NAAA: variants seen among roughly 807,000 people sequenced by gnomAD.
NAAA encodes N-acylethanolamine-hydrolyzing acid amidase.
In NAAA, 39 loss-of-function variants were observed where a neutral mutation model predicts 44.8. That is an observed-to-expected ratio of 0.87 (90% CI 0.67 to 1.14). The LOEUF is 1.14. NAAA is among the 50% of genes most tolerant of loss of function. NAAA has a pLI of 0.00. For missense variants in NAAA, 460 were observed against 467.8 expected, an observed-to-expected ratio of 0.98 and a Z score of 0.15; for synonymous variants, 178 against 191.3, an observed-to-expected ratio of 0.93 and a Z score of 0.58.
chr4:75,934,265 C>T (rs1345098280), intron 3 of NAAA, among the ~76,000 whole-genome samples: 1 of 151,680 alleles, frequency 6.6e-6, no homozygotes. Context: ...TTGACTTATG[C>T]CTGCTTCACA....
At chr4:75,934,539 G>C (rs1034795318) in intron 3 of NAAA, among the ~76,000 whole-genome samples, 2 of 149,618 alleles carry the variant, frequency 1.3e-5, no homozygotes, top group African/African-American at 4.9e-5. Flanking sequence ...ACATTGGCCA[G>C]GCTGGTCTTG....
chr4:75,926,542 CAG>C (rs1259585988), intron 4 of NAAA, among the ~76,000 whole-genome samples: 8 of 111,544 alleles, frequency 7.2e-5, no homozygotes, highest in South Asian at 6.0e-4. Flanking sequence ...ACCTGGGTGA[CAG>C]AGAGAGACTC....
At chr4:75,912,365 C>T (rs1280170516), downstream of NAAA, among the ~76,000 whole-genome samples, 2 of 151,862 alleles carry the variant, frequency 1.3e-5, no homozygotes, top group African/African-American at 4.8e-5. Context: ...CCAGCCTGAC[C>T]AACGTGGTGA....
Position 75,936,104 on chromosome 4 carries a change from T to C in NAAA, c.498+5A>G. The stretch of plus-strand genomic sequence containing the variant: ...ATTTTTTATCTTATATGGTACGGAT[T>C]ATACCTGCCCATTCTTTAAGAATTG... On this transcript the variant is annotated splice_donor_5th_base_variant and intron_variant, in intron 3 of 10. Coordinates refer to ENST00000286733, the MANE Select transcript of NAAA (RefSeq NM_014435.4). 2 of 1,614,078 alleles carry C rather than the reference T, an allele frequency of 1.2e-6. No individual in the cohort carries two copies. The highest frequency in any genetic ancestry group is 4.5e-5 in the East Asian group (2 of 44,874).
intron 3 of NAAA, among the ~76,000 whole-genome samples, chr4:75,933,414 C>A (rs2149278506): frequency 6.6e-6 from 1 of 152,178 alleles, no homozygotes; most frequent in Middle Eastern, 3.4e-3. Flanking sequence ...GTCTCATCTC[C>A]ACGCATGGTG....
At chr4:75,920,445 C>G (rs901376882) in intron 7 of NAAA, among the ~76,000 whole-genome samples, 1 of 152,186 alleles carries the variant, frequency 6.6e-6, no homozygotes, top group Admixed American at 6.5e-5. Context: ...ATTTTACAGA[C>G]TGGTAAACAG....
In NAAA at chr4:75,940,834, C is replaced by T. The variant is rs1351251797; in HGVS notation, c.116G>A (p.Ser39Asn). 4 of 1,593,368 alleles carry T rather than the reference C, an allele frequency of 2.5e-6. No homozygotes were observed. The Admixed American group carries it at 6.7e-5, about 27-fold the overall frequency. Residue 39 changes from serine (S) to asparagine (N), a missense_variant, in exon 1 of 11, where the codon AGC becomes AAC. Transcript: ENST00000286733. ...SPPAAPRFNV[S>N]LDSVPELRWL... Reference sequence around the variant, plus strand: ...GCGCAGCTCGGGGACCGAGTCCAGGCTCACGTTGAAGCGCGGCGCTGCTGG... The same window carrying T: ...GCGCAGCTCGGGGACCGAGTCCAGGTTCACGTTGAAGCGCGGCGCTGCTGG...
chr4:75,940,168 A>AGAAAC lies in NAAA; in HGVS notation c.207-8_207-4dup. The AGAAAC allele has an allele frequency of 6.2e-7, 1 of 1,612,262 alleles. No homozygotes were observed. Among genetic ancestry groups the AGAAAC allele is most frequent in the Admixed American group, 1.7e-5 (1 of 59,958 alleles). On this transcript the variant is annotated splice_region_variant and splice_polypyrimidine_tract_variant and intron_variant, in intron 1 of 10. Transcript: ENST00000286733. ...GCACCCACTTGGGGACTCTGTCCCT[A>AGAAAC]GAAACAAAAAGCACAAGGGCGTCTG...
chr4:75,940,119 G>C lies in NAAA; in HGVS notation c.253C>G (p.Leu85Val). 1 of 1,614,130 alleles carries C rather than the reference G, an allele frequency of 6.2e-7. No homozygotes were observed. Among genetic ancestry groups the C allele is most frequent in the Non-Finnish European group, 8.5e-7 (1 of 1,180,044 alleles). ...WVHVLIGKVVLELERFLPQPF... is the reference protein window; with the variant it reads ...WVHVLIGKVVVELERFLPQPF... ...TGGGGCAGGAAGCGCTCCAGCTCCA[G>C]GACCACTTTTCCGATTAACACGTGC... The change falls in exon 2 of 11, where the codon CTG (leucine) becomes GTG (valine). Residue 85 changes from leucine (L) to valine (V), a missense_variant. Leu to Val is a conservative substitution (Grantham distance 32). Transcript: ENST00000286733.
At chr4:75,932,741 C>T (rs1314153108) in intron 3 of NAAA, among the ~76,000 whole-genome samples, 1 of 152,142 alleles carries the variant, frequency 6.6e-6, no homozygotes, top group East Asian at 1.9e-4. Flanking sequence ...TGGGCTCAAG[C>T]AATCCTTCTG....
intron 3 of NAAA, among the ~76,000 whole-genome samples, 165 bp from the exon 4 acceptor site, chr4:75,931,469 G>A (rs1727225896): frequency 6.6e-6 from 1 of 152,050 alleles, no homozygotes; most frequent in Non-Finnish European, 1.5e-5. Flanking sequence ...ACCTTAAGCT[G>A]GGGTGGGTGG....
At chr4:75,917,198 T>C in intron 9 of NAAA, 6 of 551,624 alleles carry the variant, frequency 1.1e-5, no homozygotes, top group Non-Finnish European at 1.4e-5. Flanking sequence ...CTATGAAGGG[T>C]ACAGTCAATA....
chr4:75,927,531 G>A (rs149519584), intron 4 of NAAA, among the ~76,000 whole-genome samples: 5 of 151,556 alleles, frequency 3.3e-5, no homozygotes, highest in East Asian at 1.9e-4. Flanking sequence ...GGAAGAAGCC[G>A]AGGCAGGAGG....
intron 5 of NAAA, among the ~76,000 whole-genome samples, chr4:75,921,965 T>C (rs1184716153): frequency 6.6e-6 from 1 of 152,166 alleles, no homozygotes; most frequent in African/African-American, 2.4e-5. Flanking sequence ...CTAGAGCTGA[T>C]CTGCTCAAGA....
Position 75,941,001 on chromosome 4 carries a change from C to T in NAAA, c.-52G>A, listed in dbSNP as rs925790278. On this transcript the variant is annotated 5_prime_UTR_variant, in exon 1 of 11. Coordinates refer to ENST00000286733, the MANE Select transcript of NAAA (RefSeq NM_014435.4). ...GGAGACCTGCAGCCGCTGTCGGAGCCCGGGTAAGCCGTGGAGGAGGAGGAG... is the reference window on the plus strand; with the variant it reads ...GGAGACCTGCAGCCGCTGTCGGAGCTCGGGTAAGCCGTGGAGGAGGAGGAG... 7.8e-6 allele frequency: 11 copies of T among 1,418,624 alleles called. No individual in the cohort carries two copies. Among genetic ancestry groups the T allele is most frequent in the Non-Finnish European group, 1.0e-5 (11 of 1,095,162 alleles). The allele number at this position is 1,418,624 out of a possible 1,614,324, so 87.9% of individuals were successfully genotyped here.
At chr4:75,934,735 T>A (rs896286674) in intron 3 of NAAA, among the ~76,000 whole-genome samples, 1 of 152,174 alleles carries the variant, frequency 6.6e-6, no homozygotes, top group African/African-American at 2.4e-5. Flanking sequence ...GAGTCCTCCA[T>A]AGAAAAGCAA....
chr4:75,929,888 G>A (rs1578070244), intron 4 of NAAA, among the ~76,000 whole-genome samples: 1 of 152,044 alleles, frequency 6.6e-6, no homozygotes, highest in South Asian at 2.1e-4. Context: ...TTCGGAGTTC[G>A]AGACCAGCCT....
intron 2 of NAAA, among the ~76,000 whole-genome samples, chr4:75,936,777 G>A (rs1170440378): frequency 1.3e-5 from 2 of 152,156 alleles, no homozygotes; most frequent in Non-Finnish European, 2.9e-5. Context: ...TCCTTGCACA[G>A]AGATCATAAT....
intron 5 of NAAA, among the ~76,000 whole-genome samples, chr4:75,923,100 T>G (rs1269619371): frequency 6.6e-6 from 1 of 151,952 alleles, no homozygotes; most frequent in Non-Finnish European, 1.5e-5. Flanking sequence ...TTTCCAGACA[T>G]GGGGTCTCAA....
Sources: gnomAD v4.1 joint callset for allele counts (sites outside exome capture counted in the v4.1 genomes callset) on GRCh38, gnomAD v4.1.1 for gene constraint, MANE v1.5 for transcripts, NCBI Gene and HGNC (gene_info 2026-07-23, HGNC 2026-07-21) for gene names.